The following PTGIR variants were observed in gnomAD, a reference collection of about 807,000 sequenced individuals.
The protein encoded by PTGIR is prostaglandin I2 receptor.
In PTGIR, 16 loss-of-function variants were observed where a neutral mutation model predicts 17.6. The observed-to-expected ratio is 0.91, with a 90% CI of 0.61 to 1.38. PTGIR has a LOEUF of 1.38. PTGIR is among the 40% of genes most tolerant of loss of function. The pLI is 0.00. For synonymous variants in PTGIR, 274 were observed against 255.4 expected (o/e 1.07, Z -0.69); for missense variants, 532 against 548.6 (o/e 0.97, Z 0.30).
chr19:46,611,732 C>G, the PTGIR span, among the ~76,000 whole-genome samples: 21,842 of 152,170 alleles, frequency 0.14, 1,632 homozygotes, highest in Middle Eastern at 0.24. Context: ...CATAGCAAGA[C>G]CCTCCCATTC....
chr19:46,619,602 AAG>A (rs1972022453), downstream of PTGIR, among the ~76,000 whole-genome samples: 2 of 90,502 alleles, frequency 2.2e-5, no homozygotes, highest in African/African-American at 4.1e-5. Context: ...AAAAGAAAGA[AAG>A]GAAAGAAAGA....
At chr19:46,619,668 AAGAAAG>A (rs1358439142), downstream of PTGIR, among the ~76,000 whole-genome samples, 75 of 151,180 alleles carry the variant, frequency 5.0e-4, 1 homozygote, top group African/African-American at 1.7e-3. Context: ...GAAAGAAAGA[AAGAAAG>A]AGGATTTATA....
intron 2 of PTGIR, chr19:46,622,080 A>C: frequency 7.1e-6 from 7 of 985,424 alleles, no homozygotes; most frequent in Non-Finnish European, 8.4e-6. Flanking sequence ...ACCCCCAAAA[A>C]AGATTTAAGG....
chr19:46,613,027 CTTTTTTTTTTTTTTTTT>C, the PTGIR span, among the ~76,000 whole-genome samples: 260 of 74,250 alleles, frequency 3.5e-3, 1 homozygote, highest in African/African-American at 0.013. Flanking sequence ...TTGTGCCAAA[CTTTTTTTTTTTTTTTTT>C]TTTTTTTTTT....
In PTGIR at chr19:46,621,751, T is replaced by C; in HGVS notation, c.769-79A>G. 1 of 1,522,192 alleles carries C rather than the reference T, an allele frequency of 6.6e-7. No homozygotes were observed. Among genetic ancestry groups the C allele is most frequent in the Non-Finnish European group, 8.8e-7 (1 of 1,133,978 alleles). The allele number at this position is 1,522,192 out of a possible 1,614,324, so 94.3% of individuals were successfully genotyped here. Reference sequence around the variant, plus strand: ...CCCTGGCTCCCTCCTCCCACTTGCTTACCAGGGATGAGGTAGGGGTGACAT... The same window carrying C: ...CCCTGGCTCCCTCCTCCCACTTGCTCACCAGGGATGAGGTAGGGGTGACAT... On this transcript the variant is annotated intron_variant, in intron 2 of 2. Coordinates refer to ENST00000291294, the MANE Select transcript of PTGIR (RefSeq NM_000960.4). This position sits in a 1 kb window ranked among gnomAD's most constrained non-coding sequence, Gnocchi z 4.8.
In PTGIR at chr19:46,623,978, C is replaced by A; in HGVS notation, c.248G>T (p.Gly83Val). 6.4e-7 allele frequency: 1 copy of A among 1,569,012 alleles called. No homozygotes were observed. The highest frequency in any genetic ancestry group is 1.2e-5 in the South Asian group (1 of 86,390). Residue 83 changes from glycine to valine, a missense_variant, in exon 2 of 3, where the codon GGC becomes GTC. By Grantham distance (109) the Gly-to-Val change is moderately radical (BLOSUM62 -3). Transcript: ENST00000291294. ...CAGGGCGGGGCCGCCTCGGGCCAGG[C>A]CCAGCAGGGAGCTGTTGCGCGCATA... ...VAYARNSSLL[G>V]LARGGPALCD...
At chr19:46,617,481 G>A (rs1414015562), downstream of PTGIR, among the ~76,000 whole-genome samples, 2 of 152,162 alleles carry the variant, frequency 1.3e-5, no homozygotes, top group Non-Finnish European at 2.9e-5. Context: ...GGCCCTGGGG[G>A]AGTAAGAGCC....
rs1568680131 is a variant in PTGIR at position 46,623,656 on chromosome 19, G to A, written c.570C>T (p.Gly190=). ...TGGCAGCCACCAGCAGGGCCACCAGGCCGGCGTAGGCCAGCGAGAAGGCGG... is the reference window on the plus strand; with the variant it reads ...TGGCAGCCACCAGCAGGGCCACCAGACCGGCGTAGGCCAGCGAGAAGGCGG... The part of the protein sequence containing the change: ...GGAAFSLAYA[G]LVALLVAAIF... The change falls in exon 2 of 3, where the codon GGC becomes GGT. Residue 190 remains glycine (G), a synonymous_variant. Transcript: ENST00000291294. 1 of 1,547,656 alleles carries A rather than the reference G, an allele frequency of 6.5e-7. No individual in the cohort carries two copies.
chr19:46,624,620 A>C (rs1252193871), intron 1 of PTGIR: 1 of 163,968 alleles, frequency 6.1e-6, no homozygotes, highest in East Asian at 1.7e-4. Flanking sequence ...ACGCCCAGCT[A>C]ATTTTTGTAT....
the PTGIR span, among the ~76,000 whole-genome samples, chr19:46,613,760 T>TG: frequency 6.6e-6 from 1 of 152,214 alleles, no homozygotes; most frequent in Non-Finnish European, 1.5e-5. Flanking sequence ...TAGAGAAATC[T>TG]GGCAGTAGAG....
In PTGIR at chr19:46,623,724, T is replaced by A. The variant is rs1360848380; in HGVS notation, c.502A>T (p.Ser168Cys). ...LGQHQQYCPG[S>C]WCFLRMRWAQ... Reference sequence around the variant, plus strand: ...CAGCGCATGCGGAGGAAGCACCAGCTGCCGGGGCAGTACTGCTGGTGTTGG... The same window carrying A: ...CAGCGCATGCGGAGGAAGCACCAGCAGCCGGGGCAGTACTGCTGGTGTTGG... Residue 168 changes from serine to cysteine, a missense_variant, in exon 2 of 3, where the codon AGC becomes TGC. Ser to Cys is a moderately radical substitution (Grantham distance 112). Transcript: ENST00000291294. 1.0e-5 allele frequency: 16 copies of A among 1,588,070 alleles called. No individual in the cohort carries two copies. The highest frequency in any genetic ancestry group is 1.4e-5 in the Non-Finnish European group (16 of 1,170,852).
downstream of PTGIR, among the ~76,000 whole-genome samples, chr19:46,617,981 TGTGTGCGCTACCACACCTG>T (rs1971986278): frequency 1.3e-5 from 2 of 149,710 alleles, no homozygotes; most frequent in Admixed American, 1.3e-4. Flanking sequence ...TGGGACTACA[TGTGTGCGCTACCACACCTG>T]GCTAATTTTT....
chr19:46,613,279 A>G, the PTGIR span, among the ~76,000 whole-genome samples: 1 of 150,584 alleles, frequency 6.6e-6, no homozygotes, highest in Non-Finnish European at 1.5e-5. Flanking sequence ...CTGACCTCAA[A>G]TGACCTCCGC....
At chr19:46,619,547 A>AAGAAAGAAAGAAAGAAAGAAAGAAAG, downstream of PTGIR, among the ~76,000 whole-genome samples, 1 of 87,916 alleles carries the variant, frequency 1.1e-5, no homozygotes, top group Admixed American at 1.1e-4. Flanking sequence ...GAAAGAAAGA[A>AAGAAAGAAAGAAAGAAAGAAAGAAAG]AGAGAGAGAG....
At chr19:46,619,547 A>AAGAAAGAAAG (rs775594524), downstream of PTGIR, among the ~76,000 whole-genome samples, 11 of 87,916 alleles carry the variant, frequency 1.3e-4, no homozygotes, top group African/African-American at 2.3e-4. Flanking sequence ...GAAAGAAAGA[A>AAGAAAGAAAG]AGAGAGAGAG....
downstream of PTGIR, among the ~76,000 whole-genome samples, chr19:46,619,053 A>G (rs1333954975): frequency 6.6e-6 from 1 of 152,226 alleles, no homozygotes; most frequent in Non-Finnish European, 1.5e-5. Flanking sequence ...CAAAGCCGCC[A>G]TGCAAGCTAA....
chr19:46,623,419 C>T, intron 2 of PTGIR, 39 bp downstream of exon 2: 3 of 1,483,432 alleles, frequency 2.0e-6, no homozygotes, highest in Non-Finnish European at 2.7e-6. Context: ...AGCTGCCCTC[C>T]TCCTCTCCCC....
downstream of PTGIR, among the ~76,000 whole-genome samples, chr19:46,619,649 G>GAAAGAAAGAAAGAAAGA (rs1555816631): frequency 7.3e-6 from 1 of 137,602 alleles, no homozygotes; most frequent in Non-Finnish European, 1.6e-5. Flanking sequence ...AAGAAAGAAA[G>GAAAGAAAGAAAGAAAGA]AAAGAAAAGA....
Position 46,620,530 on chromosome 19 carries a change from T to C in PTGIR, c.*750A>G. On this transcript the variant is annotated 3_prime_UTR_variant, in exon 3 of 3. Coordinates refer to ENST00000291294, the MANE Select transcript of PTGIR (RefSeq NM_000960.4). ...CTGGGGACAGGCACAGGACTTAGGT[T>C]TGTGTTCTGGGGCAGTCCCTGGGAT... is the stretch of plus-strand genomic sequence containing the variant. 1.0e-6 allele frequency: 1 copy of C among 985,444 alleles called. No individual in the cohort carries two copies. Among genetic ancestry groups the C allele is most frequent in the Non-Finnish European group, 1.2e-6 (1 of 829,972 alleles). 61.0% of individuals were successfully genotyped at this position (985,444 alleles called of 1,614,324 possible).
Sources: gnomAD v4.1 joint callset for allele counts (sites outside exome capture counted in the v4.1 genomes callset) on GRCh38, gnomAD v4.1.1 for gene constraint, Gnocchi (gnomAD v3.1) non-coding constraint, MANE v1.5 for transcripts, NCBI Gene and HGNC (gene_info 2026-07-23, HGNC 2026-07-21) for gene names.